Variants in MED25 observed in about 807,000 individuals in gnomAD.
The protein encoded by MED25 is mediator complex subunit 25, also known as mediator of RNA polymerase II transcription subunit 25.
A neutral mutation model predicts 89.4 loss-of-function variants in MED25; 62 were observed. That is an observed-to-expected ratio of 0.69 (90% CI 0.57 to 0.86). The LOEUF (loss-of-function observed/expected upper bound fraction) is 0.86. MED25 is among the 40% of genes least tolerant of loss of function. MED25 has a pLI of 0.00. For synonymous variants in MED25, 449 were observed against 427.9 expected (o/e 1.05, Z -0.61); for missense variants, 905 against 1,005.2 (o/e 0.90, Z 1.35).
Position 49,834,929 on chromosome 19 carries a change from G to T in MED25, c.1483-57G>T. On this transcript the variant is annotated intron_variant, in intron 13 of 17. Transcript: ENST00000312865. The surrounding 1 kb of genome is among the most constrained non-coding windows in gnomAD (Gnocchi z 4.1). The stretch of plus-strand genomic sequence containing the variant: ...CTAGAGCCTTCTGGAATGGGGAGGG[G>T]GTCAGGGCTGCCTCTTTCAGGGCCT... The T allele has an allele frequency of 6.3e-7, 1 of 1,581,670 alleles. No homozygotes were observed. Among genetic ancestry groups the T allele is most frequent in the Non-Finnish European group, 8.7e-7 (1 of 1,153,182 alleles).
At chr19:49,839,007 C>A, downstream of MED25, 1 of 340,164 alleles carries the variant, frequency 2.9e-6, no homozygotes, top group Admixed American at 4.3e-5. Flanking sequence ...GTCTAACGGG[C>A]ATTTGCGTTG....
downstream of MED25, among the ~76,000 whole-genome samples, chr19:49,838,094 G>A (rs1011248578): frequency 1.3e-5 from 2 of 152,064 alleles, no homozygotes; most frequent in African/African-American, 2.4e-5. Context: ...TGCTGAGAGC[G>A]CGGTCCATGC....
In MED25 at chr19:49,830,789, GC is replaced by G; in HGVS notation, c.1008del (p.Lys337SerfsTer40). On this transcript the variant is annotated frameshift_variant, in exon 9 of 18. Coordinates refer to ENST00000312865, the MANE Select transcript of MED25 (RefSeq NM_030973.4). LOFTEE classifies it high-confidence loss of function. This position sits in a 1 kb window ranked among gnomAD's most constrained non-coding sequence, Gnocchi z 4.6. Reference sequence around the variant, plus strand: ...CCAACTACCCCCAGGACCCCCTGGCGCCCCCAAGCCACCACCTGCTTCCCAG... The same window carrying G: ...CCAACTACCCCCAGGACCCCCTGGCGCCCCAAGCCACCACCTGCTTCCCAG... ...APQLPPGPPG[A>X]PKPPPASQPS... The G allele has an allele frequency of 6.2e-7, 1 of 1,612,534 alleles. No individual in the cohort carries two copies. The highest frequency in any genetic ancestry group is 8.5e-7 in the Non-Finnish European group (1 of 1,179,398).
intron 3 of MED25, 118 bp from the exon 4 acceptor site, chr19:49,828,331 C>T: frequency 1.3e-6 from 1 of 750,762 alleles, no homozygotes; most frequent in Non-Finnish European, 2.4e-6. Context: ...GGGTCCCCGT[C>T]ATCCCAAGGT....
downstream of MED25, among the ~76,000 whole-genome samples, chr19:49,837,735 TC>T (rs1373649077): frequency 6.6e-6 from 1 of 152,048 alleles, no homozygotes; most frequent in African/African-American, 2.4e-5. Flanking sequence ...CCAAGGGACA[TC>T]CAGGTGACAG....
At chr19:49,820,780 T>C (rs2073976356) in intron 3 of MED25, among the ~76,000 whole-genome samples, 1 of 152,200 alleles carries the variant, frequency 6.6e-6, no homozygotes, top group Non-Finnish European at 1.5e-5. Flanking sequence ...CGCCTGGCGC[T>C]GGATCGGATT....
chr19:49,823,069 C>T (rs1339768110), intron 3 of MED25, among the ~76,000 whole-genome samples: 1 of 152,244 alleles, frequency 6.6e-6, no homozygotes, highest in Non-Finnish European at 1.5e-5. Flanking sequence ...CCACCTCAGC[C>T]TCCTGAGTAC....
In MED25 at chr19:49,828,510, C is replaced by A. The variant is rs764968113; in HGVS notation, c.367C>A (p.Gln123Lys). 1 of 1,614,118 alleles carries A rather than the reference C, an allele frequency of 6.2e-7. No individual in the cohort carries two copies. Among genetic ancestry groups the A allele is most frequent in the Non-Finnish European group, 8.5e-7 (1 of 1,179,968 alleles). Reference protein sequence around the residue: ...LIAEGLSTALQLFDDFKKMRE... With the variant: ...LIAEGLSTALKLFDDFKKMRE... ...CGCGGAAGGACTCAGCACAGCCTTG[C>A]AGCTGTTTGATGACTTCAAGAAGAT... The change falls in exon 4 of 18, where the codon CAG becomes AAG. Residue 123 changes from glutamine (Q) to lysine (K), a missense_variant. Transcript: ENST00000312865.
At chr19:49,824,206 G>C (rs1417404242) in intron 3 of MED25, among the ~76,000 whole-genome samples, 2 of 152,028 alleles carry the variant, frequency 1.3e-5, no homozygotes, top group Admixed American at 6.5e-5. Context: ...TCCAGACCCA[G>C]CTCAGGTGTC....
chr19:49,821,671 G>C (rs527882189), intron 3 of MED25, among the ~76,000 whole-genome samples: 2 of 152,188 alleles, frequency 1.3e-5, no homozygotes, highest in African/African-American at 4.8e-5. Context: ...ACAGGCCTTA[G>C]CTGGGCATGG....
downstream of MED25, chr19:49,838,304 A>G (rs948811509): frequency 2.0e-5 from 7 of 344,854 alleles, no homozygotes; most frequent in African/African-American, 8.6e-5. Flanking sequence ...ACACACACAC[A>G]CGCACACACA....
In MED25 at chr19:49,836,162, GTC is replaced by G. The variant is rs2074096251; in HGVS notation, c.1966-62_1966-61del. The G allele has an allele frequency of 6.4e-7, 1 of 1,570,144 alleles. No homozygotes were observed. The highest frequency in any genetic ancestry group is 1.7e-5 in the Admixed American group (1 of 58,858). On this transcript the variant is annotated intron_variant, in intron 16 of 17. Transcript: ENST00000312865. The surrounding 1 kb of genome is among the most constrained non-coding windows in gnomAD (Gnocchi z 5.1). The stretch of plus-strand genomic sequence containing the variant: ...CTAGCTGATTCCATCTCTGAGCAGT[GTC>G]TGTGTTGAGAGGTGGGGAGTCTCTA...
In MED25 at chr19:49,835,059, A is replaced by G; in HGVS notation, c.1556A>G (p.Lys519Arg). 2 of 1,614,090 alleles carry G rather than the reference A, an allele frequency of 1.2e-6. No homozygotes were observed. The highest frequency in any genetic ancestry group is 1.7e-6 in the Non-Finnish European group (2 of 1,180,000). ...CTCATGCTCCTGTACTCGTCCAAGAAGAAGATCTTCATGGGCCTCATCCCC... is the reference window on the plus strand; with the variant it reads ...CTCATGCTCCTGTACTCGTCCAAGAGGAAGATCTTCATGGGCCTCATCCCC... ...RVLMLLYSSK[K>R]KIFMGLIPYD... Residue 519 changes from lysine to arginine, a missense_variant, in exon 14 of 18, where the codon AAG (lysine) becomes AGG (arginine). Coordinates refer to ENST00000312865, the MANE Select transcript of MED25 (RefSeq NM_030973.4). This position sits in a 1 kb window ranked among gnomAD's most constrained non-coding sequence, Gnocchi z 6.2.
Position 49,830,008 on chromosome 19 carries a change from G to T in MED25, c.688+60G>T. 1 of 1,598,210 alleles carries T rather than the reference G, an allele frequency of 6.3e-7. No homozygotes were observed. Among genetic ancestry groups the T allele is most frequent in the South Asian group, 1.1e-5 (1 of 90,434 alleles). ...TCGACGTGTTTCCCCAGCTCCCTCT[G>T]ACTTGGATTTTGGATTTCTCTCCTT... is the stretch of plus-strand genomic sequence containing the variant. On this transcript the variant is annotated intron_variant, in intron 6 of 17. Coordinates refer to ENST00000312865, the MANE Select transcript of MED25 (RefSeq NM_030973.4). This position sits in a 1 kb window ranked among gnomAD's most constrained non-coding sequence, Gnocchi z 4.6.
At chr19:49,837,011 G>C (rs1227556513), downstream of MED25, 1 of 1,301,534 alleles carries the variant, frequency 7.7e-7, no homozygotes, top group Admixed American at 1.9e-5. Context: ...CATCCCTCAG[G>C]ACTGGGCAGG....
intron 3 of MED25, among the ~76,000 whole-genome samples, chr19:49,820,273 G>C (rs1179994517): frequency 1.3e-5 from 2 of 152,348 alleles, no homozygotes; most frequent in East Asian, 3.9e-4. Context: ...TCACAAAAGG[G>C]GGTGGGCTAG....
In MED25 at chr19:49,828,437, C is replaced by T. The variant is rs1176330224; in HGVS notation, c.306-12C>T. On this transcript the variant is annotated splice_polypyrimidine_tract_variant and intron_variant, in intron 3 of 17. Transcript: ENST00000312865. ...ATGGCAACCCTGGGGGCTGACCGCT[C>T]TGCCCCTGCAGGTTCATGGGCGGGG... The T allele has an allele frequency of 2.5e-6, 4 of 1,606,092 alleles. No individual in the cohort carries two copies. Among genetic ancestry groups the T allele is most frequent in the Non-Finnish European group, 3.4e-6 (4 of 1,172,826 alleles).
chr19:49,831,819 A>C lies in MED25; in HGVS notation c.1231-117A>C. On this transcript the variant is annotated intron_variant, in intron 10 of 17. Transcript: ENST00000312865. The surrounding 1 kb of genome is among the most constrained non-coding windows in gnomAD (Gnocchi z 5.0). The stretch of plus-strand genomic sequence containing the variant: ...GGTCTGGAGGAGGGGCCTGGGGCTC[A>C]TGGGACTTAAACTGGGGAACATCCT... The C allele has an allele frequency of 1.0e-6, 1 of 952,390 alleles. No homozygotes were observed. Among genetic ancestry groups the C allele is most frequent in the East Asian group, 2.5e-5 (1 of 39,316 alleles). The allele number at this position is 952,390 out of a possible 1,614,324, so 59.0% of individuals were successfully genotyped here. A position where few individuals can be genotyped will look rare whatever the true frequency, so the allele number is the denominator to read the frequency against.
At chr19:49,823,025 T>C (rs1338214489) in intron 3 of MED25, among the ~76,000 whole-genome samples, 2 of 152,160 alleles carry the variant, frequency 1.3e-5, no homozygotes, top group Non-Finnish European at 2.9e-5. Context: ...CATAGCTTGC[T>C]GCAGCCTCGA....
Sources: gnomAD v4.1 joint callset for allele counts (sites outside exome capture counted in the v4.1 genomes callset) on GRCh38, gnomAD v4.1.1 for gene constraint, Gnocchi (gnomAD v3.1) non-coding constraint, MANE v1.5 for transcripts, NCBI Gene and HGNC (gene_info 2026-07-23, HGNC 2026-07-21) for gene names.